TMEM132D: variants seen among roughly 807,000 people sequenced by gnomAD.
TMEM132D encodes the protein mature OL transmembrane protein.
A neutral mutation model predicts 62.3 loss-of-function variants in TMEM132D; 21 were observed. That is an observed-to-expected ratio of 0.34 (90% CI 0.24 to 0.49). TMEM132D has a LOEUF of 0.49. Ranked by LOEUF, TMEM132D falls within the 20% of genes least tolerant of loss-of-function variation. The pLI is 0.99. For missense variants in TMEM132D, 1,346 were observed against 1,402.8 expected (o/e 0.96, Z 0.65); for synonymous variants, 621 against 575.6 (o/e 1.08, Z -1.13).
At chr12:129,870,144 A>G (rs1874193121) in intron 1 of TMEM132D, among the ~76,000 whole-genome samples, 1 of 152,024 alleles carries the variant, frequency 6.6e-6, no homozygotes, top group Admixed American at 6.6e-5. Context: ...CACCATGCCC[A>G]GCTAATTTTT....
intron 2 of TMEM132D, among the ~76,000 whole-genome samples, chr12:129,584,096 T>A (rs769308269): frequency 6.6e-6 from 1 of 152,310 alleles, no homozygotes; most frequent in East Asian, 1.9e-4. Context: ...GGCTAATAAA[T>A]AGTTGGTCAC....
At position 129,376,339 on chromosome 12, in the gene TMEM132D, C is replaced by T. The variant is rs187305335; in HGVS notation, c.1116-38522G>A. Among the ~76,000 whole-genome samples the T allele has an allele frequency of 2.2e-4, 33 of 152,268 alleles. No individual in the cohort carries two copies. In the East Asian group the frequency reaches 6.0e-3, roughly 28 times the overall value. ...ATCATGGCAGAAGGGGAAGCAAACACATCCTTTCTTCTTCCCATGGTGGTA... is the reference window on the plus strand; with the variant it reads ...ATCATGGCAGAAGGGGAAGCAAACATATCCTTTCTTCTTCCCATGGTGGTA... On this transcript the variant is annotated intron_variant, in intron 3 of 8. Transcript: ENST00000422113.
In TMEM132D at chr12:129,647,817, T is replaced by G. The variant is rs558318000; in HGVS notation, c.968+51993A>C. Among the ~76,000 whole-genome samples, 9 of 152,270 alleles carry G rather than the reference T, an allele frequency of 5.9e-5. No individual in the cohort carries two copies. The South Asian group carries it at 1.7e-3, about 28-fold the overall frequency. ...TCTTTAAGCATCCTGGGTAATAATTTTTGTCGTTTTGAAACCACCTTTGTA... is the reference window on the plus strand; with the variant it reads ...TCTTTAAGCATCCTGGGTAATAATTGTTGTCGTTTTGAAACCACCTTTGTA... On this transcript the variant is annotated intron_variant, in intron 2 of 8. Transcript: ENST00000422113.
At chr12:129,172,734 A>G (rs1440923803) in intron 5 of TMEM132D, among the ~76,000 whole-genome samples, 3 of 152,084 alleles carry the variant, frequency 2.0e-5, no homozygotes, top group Non-Finnish European at 2.9e-5. Flanking sequence ...ATGCACCACC[A>G]CACCCAGCTA....
intron 3 of TMEM132D, among the ~76,000 whole-genome samples, chr12:129,404,472 C>T (rs1307652005): frequency 6.6e-6 from 1 of 152,198 alleles, no homozygotes; most frequent in Admixed American, 6.5e-5. Context: ...GCTGGGATTA[C>T]AGGCGTGAGC....
chr12:129,867,129 A>T lies in TMEM132D; in HGVS notation c.79+36132T>A, dbSNP rs1874084348. ...ACAGAAATTAGCTGGGCACGGTGGT[A>T]TGTGCCTGTAGTCCTAGCTACATGG... On this transcript the variant is annotated intron_variant, in intron 1 of 8. Coordinates refer to ENST00000422113, the MANE Select transcript of TMEM132D (RefSeq NM_133448.3). The surrounding 1 kb of genome is among the most constrained non-coding windows in gnomAD (Gnocchi z 4.5). 6.6e-6 allele frequency among the ~76,000 whole-genome samples: 1 copy of T among 151,938 alleles called. No homozygotes were observed. The highest frequency in any genetic ancestry group is 2.1e-4 in the South Asian group (1 of 4,808).
chr12:129,123,990 T>C (rs1876139329), intron 5 of TMEM132D, among the ~76,000 whole-genome samples: 1 of 152,214 alleles, frequency 6.6e-6, no homozygotes, highest in African/African-American at 2.4e-5. Flanking sequence ...ATGGGACTTC[T>C]CAGCCTCCAT....
chr12:129,090,083 G>A (rs889737850), intron 5 of TMEM132D, among the ~76,000 whole-genome samples: 28 of 152,328 alleles, frequency 1.8e-4, no homozygotes, highest in Non-Finnish European at 5.9e-5. Flanking sequence ...GAGAGCAGCC[G>A]CTATGAGCTT....
Position 129,453,195 on chromosome 12 carries a change from G to A in TMEM132D, c.1115+77864C>T, listed in dbSNP as rs74796557. Reference sequence around the variant, plus strand: ...CATCACCCACCTCTCTGCAGTCCACGGAAAAATTGTCTTCCAGGAAACCAG... The same window carrying A: ...CATCACCCACCTCTCTGCAGTCCACAGAAAAATTGTCTTCCAGGAAACCAG... On this transcript the variant is annotated intron_variant, in intron 3 of 8. Transcript: ENST00000422113. Among the ~76,000 whole-genome samples the A allele has an allele frequency of 7.5e-3, 1,147 of 152,280 alleles. 15 individuals carry two copies. Among genetic ancestry groups the A allele is most frequent in the African/African-American group, 0.026 (1,077 of 41,554 alleles).
chr12:129,382,449 C>T (rs563505589), intron 3 of TMEM132D, among the ~76,000 whole-genome samples: 11 of 152,328 alleles, frequency 7.2e-5, no homozygotes, highest in South Asian at 2.1e-4. Flanking sequence ...TATTGAAAGA[C>T]GGTGCCAGAT....
intron 4 of TMEM132D, among the ~76,000 whole-genome samples, chr12:129,267,922 A>C (rs571162163): frequency 9.6e-4 from 146 of 152,322 alleles, no homozygotes; most frequent in African/African-American, 3.3e-3. Flanking sequence ...TGACAAAAAC[A>C]AGCAATGGGG....
intron 4 of TMEM132D, among the ~76,000 whole-genome samples, chr12:129,298,778 C>T (rs1881636922): frequency 6.6e-6 from 1 of 152,162 alleles, no homozygotes; most frequent in South Asian, 2.1e-4. Flanking sequence ...TGATGTCCTC[C>T]AGGCCCATCT....
Position 129,084,707 on chromosome 12 carries a change from GAA to G in TMEM132D, c.1444-7_1444-6del. On this transcript the variant is annotated splice_polypyrimidine_tract_variant and splice_region_variant and intron_variant, in intron 5 of 8. Coordinates refer to ENST00000422113, the MANE Select transcript of TMEM132D (RefSeq NM_133448.3). Reference sequence around the variant, plus strand: ...GTAGTCACATCTGTCAGAAACCTGTGAAGAGGTGAGAGAGAAAAGGGGAGGGA... The same window carrying G: ...GTAGTCACATCTGTCAGAAACCTGTGGAGGTGAGAGAGAAAAGGGGAGGGA... 1 of 1,613,512 alleles carries G rather than the reference GAA, an allele frequency of 6.2e-7. No individual in the cohort carries two copies. Among genetic ancestry groups the G allele is most frequent in the Non-Finnish European group, 8.5e-7 (1 of 1,179,736 alleles).
intron 3 of TMEM132D, among the ~76,000 whole-genome samples, chr12:129,342,270 C>T (rs548931030): frequency 1.7e-4 from 26 of 152,104 alleles, no homozygotes; most frequent in Admixed American, 5.2e-4. Flanking sequence ...GAAATAATGC[C>T]GCATATCTAC....
intron 2 of TMEM132D, among the ~76,000 whole-genome samples, chr12:129,627,425 A>T (rs1432199553): frequency 1.3e-5 from 2 of 152,136 alleles, no homozygotes; most frequent in Non-Finnish European, 2.9e-5. Flanking sequence ...GTAGACTGGA[A>T]CAGCTAGGCT....
intron 2 of TMEM132D, among the ~76,000 whole-genome samples, chr12:129,575,592 G>A (rs11060443): frequency 0.29 from 44,351 of 151,736 alleles, 7,852 homozygotes; most frequent in Non-Finnish European, 0.4. Flanking sequence ...GTAAATGCCA[G>A]AAAGCTCAGA....
intron 4 of TMEM132D, among the ~76,000 whole-genome samples, chr12:129,287,231 G>A (rs554377587): frequency 4.6e-5 from 7 of 152,258 alleles, no homozygotes; most frequent in Admixed American, 2.0e-4. Flanking sequence ...GGGATACTTC[G>A]AGGAAGAAAA....
chr12:129,576,442 G>A (rs561980446), intron 2 of TMEM132D, among the ~76,000 whole-genome samples: 28 of 151,878 alleles, frequency 1.8e-4, no homozygotes, highest in East Asian at 1.2e-3. Context: ...GTGTCTATAA[G>A]TATGTGTATA....
intron 1 of TMEM132D, among the ~76,000 whole-genome samples, chr12:129,800,064 A>AT (rs1871716233): frequency 6.6e-6 from 1 of 152,022 alleles, no homozygotes; most frequent in Non-Finnish European, 1.5e-5. Flanking sequence ...TCCTAAAAAA[A>AT]GTCTTCTAGA....
Sources: allele counts gnomAD v4.1 joint callset (sites outside exome capture counted in the v4.1 genomes callset), GRCh38; gene constraint gnomAD v4.1.1; non-coding constraint Gnocchi (gnomAD v3.1); transcripts MANE v1.5; gene names NCBI Gene and HGNC (gene_info 2026-07-23, HGNC 2026-07-21).